The following ZFHX3 variants were observed in gnomAD, a reference collection of about 807,000 sequenced individuals.
The protein encoded by ZFHX3 is zinc finger homeobox protein 3.
ZFHX3 carries 42 observed loss-of-function variants against 279.1 expected under a neutral mutation model. The ratio of observed to expected loss-of-function variants is 0.15; its 90% CI spans 0.12 to 0.19. The LOEUF (loss-of-function observed/expected upper bound fraction) is 0.19, where lower values mean the gene tolerates loss of function less well. ZFHX3 is among the 10% of genes least tolerant of loss of function. The pLI, the probability that ZFHX3 is intolerant of heterozygous loss-of-function variation, is 1.00. For synonymous variants in ZFHX3, 2,293 were observed against 1,957.8 expected (o/e 1.17, Z -4.52); for missense variants, 4,981 against 4,754.0 (o/e 1.05, Z -1.40).
intron 1 of ZFHX3, among the ~76,000 whole-genome samples, chr16:73,844,778 C>T (rs1279080509): frequency 6.6e-6 from 1 of 151,202 alleles, no homozygotes; most frequent in Non-Finnish European, 1.5e-5. Context: ...ATAGACAATA[C>T]AGAGATTAGT....
intron 5 of ZFHX3, among the ~76,000 whole-genome samples, chr16:73,255,497 AAG>A (rs2013636813): frequency 6.6e-6 from 1 of 152,114 alleles, no homozygotes; most frequent in Non-Finnish European, 1.5e-5. Context: ...GATTTGGGAG[AAG>A]AGTTTTATAT....
intron 5 of ZFHX3, among the ~76,000 whole-genome samples, chr16:73,248,430 G>A (rs1026782266): frequency 2.0e-5 from 3 of 150,894 alleles, no homozygotes; most frequent in Non-Finnish European, 4.4e-5. Context: ...ATGTGTCTTT[G>A]TGTCTATGTG....
intron 5 of ZFHX3, among the ~76,000 whole-genome samples, chr16:73,255,027 CA>C (rs937444963): frequency 6.6e-6 from 1 of 152,122 alleles, no homozygotes; most frequent in African/African-American, 2.4e-5. Flanking sequence ...ATACGAACAT[CA>C]AAATGGTAGC....
At chr16:73,393,457 C>T (rs9930881) in intron 3 of ZFHX3, among the ~76,000 whole-genome samples, 101,583 of 152,060 alleles carry the variant, frequency 0.67, 34,114 homozygotes, top group Non-Finnish European at 0.69. Context: ...TCTAGACAGT[C>T]GTTCATATGC....
chr16:73,608,315 G>C (rs193045802), intron 2 of ZFHX3, among the ~76,000 whole-genome samples: 1 of 152,122 alleles, frequency 6.6e-6, no homozygotes, highest in Non-Finnish European at 1.5e-5. Flanking sequence ...TGCTCAGAGC[G>C]TCCCACCATG....
chr16:73,358,718 T>C (rs948129995), intron 3 of ZFHX3, among the ~76,000 whole-genome samples: 3 of 152,212 alleles, frequency 2.0e-5, no homozygotes, highest in African/African-American at 7.2e-5. Flanking sequence ...GCAACAGATA[T>C]GGACTGTAAA....
rs191981106 is a variant in ZFHX3 at position 72,846,658 on chromosome 16, A to G, written c.3449-16799T>C. On this transcript the variant is annotated intron_variant, in intron 4 of 9. Coordinates refer to ENST00000268489, the MANE Select transcript of ZFHX3 (RefSeq NM_006885.4). ...CAGAGAACTGTTTGTGTGGGGGACA[A>G]CCTGCACGGCTTTAGCTGGTGGCCC... is the stretch of plus-strand genomic sequence containing the variant. Among the ~76,000 whole-genome samples the G allele has an allele frequency of 4.2e-3, 644 of 152,350 alleles. 2 individuals carry two copies. Among genetic ancestry groups the G allele is most frequent in the Non-Finnish European group, 7.9e-3 (536 of 68,042 alleles).
At chr16:72,984,149 A>G (rs1298095508) in intron 1 of ZFHX3, among the ~76,000 whole-genome samples, 1 of 152,064 alleles carries the variant, frequency 6.6e-6, no homozygotes, top group Non-Finnish European at 1.5e-5. Flanking sequence ...TCCCCATCTG[A>G]TAGTTTCACT....
chr16:73,067,587 C>T (rs1319540754), intron 8 of ZFHX3, among the ~76,000 whole-genome samples: 1 of 152,220 alleles, frequency 6.6e-6, no homozygotes, highest in Admixed American at 6.5e-5. Flanking sequence ...TGGGTCCCAA[C>T]TAGTTCCTGC....
chr16:72,823,875 C>T (rs776102307), intron 5 of ZFHX3, among the ~76,000 whole-genome samples: 6 of 152,116 alleles, frequency 3.9e-5, no homozygotes, highest in African/African-American at 7.2e-5. Flanking sequence ...CTGACTCCTA[C>T]GAGTCCTGTA....
rs550935461 is a variant in ZFHX3 at position 73,009,849 on chromosome 16, C to T, written c.-50+37903G>A. ...AAGCCTGACCAAAATGGCAAAACCC[C>T]GTCTCTAGTAAAAATAAAAAAATTA... On this transcript the variant is annotated intron_variant, in intron 1 of 9. Coordinates refer to ENST00000268489, the MANE Select transcript of ZFHX3 (RefSeq NM_006885.4). Among the ~76,000 whole-genome samples, 7 of 152,018 alleles carry T rather than the reference C, an allele frequency of 4.6e-5. 1 individual carries two copies. The highest frequency in any genetic ancestry group is 2.6e-4 in the Admixed American group (4 of 15,256).
intron 3 of ZFHX3, among the ~76,000 whole-genome samples, chr16:73,382,815 G>T (rs1415100744): frequency 6.6e-6 from 1 of 152,144 alleles, no homozygotes; most frequent in Non-Finnish European, 1.5e-5. Flanking sequence ...AAACAAATGT[G>T]TGTCTCTGGT....
chr16:73,213,940 C>G (rs1053369818), intron 5 of ZFHX3, among the ~76,000 whole-genome samples: 2 of 152,186 alleles, frequency 1.3e-5, no homozygotes, highest in Non-Finnish European at 2.9e-5. Context: ...GCCATCTGCA[C>G]CCTTTATTAT....
chr16:73,879,677 G>A (rs998818165), intron 1 of ZFHX3, among the ~76,000 whole-genome samples: 6 of 152,126 alleles, frequency 3.9e-5, no homozygotes, highest in African/African-American at 1.4e-4. Context: ...CCTAAAAGCT[G>A]CTGCCAATAT....
At chr16:73,495,103 G>A (rs898253556) in intron 2 of ZFHX3, among the ~76,000 whole-genome samples, 9 of 152,198 alleles carry the variant, frequency 5.9e-5, no homozygotes, top group South Asian at 2.1e-4. Flanking sequence ...TGCAGAGTAC[G>A]TTGTTTCTAA....
At chr16:73,596,685 T>C (rs2052054164) in intron 2 of ZFHX3, among the ~76,000 whole-genome samples, 1 of 152,188 alleles carries the variant, frequency 6.6e-6, no homozygotes, top group South Asian at 2.1e-4. Flanking sequence ...TATGTTCCCA[T>C]AGCATCCATC....
chr16:73,484,104 G>C (rs1425285607), intron 2 of ZFHX3, among the ~76,000 whole-genome samples: 1 of 152,012 alleles, frequency 6.6e-6, no homozygotes, highest in Non-Finnish European at 1.5e-5. Context: ...CGAGCCCAGG[G>C]GCTGCAGGTA....
chr16:73,438,963 G>A (rs2018041077), intron 3 of ZFHX3, among the ~76,000 whole-genome samples: 1 of 152,188 alleles, frequency 6.6e-6, no homozygotes, highest in Non-Finnish European at 1.5e-5. Context: ...CCATTGCACT[G>A]AGAGTGCAAA....
Position 73,322,269 on chromosome 16 carries a change from A to G in ZFHX3, c.-1290-3933T>C, listed in dbSNP as rs2015589970. ...CACTGAAAAGAGAGAACGCATTTGA[A>G]TCTTCATGGCTTTTTTTTTTTTGCA... is the stretch of plus-strand genomic sequence containing the variant. On this transcript the variant is annotated intron_variant, in intron 3 of 17. Coordinates refer to the ZFHX3 transcript ENST00000641206. 3.0e-5 allele frequency among the ~76,000 whole-genome samples: 4 copies of G among 135,126 alleles called. No homozygotes were observed. The South Asian group carries it at 9.4e-4, about 32-fold the overall frequency. 88.6% of individuals were successfully genotyped at this position (135,126 alleles called of 152,430 possible). A position where few individuals can be genotyped will look rare whatever the true frequency, so the allele number is the denominator to read the frequency against.
Sources: allele counts gnomAD v4.1 joint callset (sites outside exome capture counted in the v4.1 genomes callset), GRCh38; gene constraint gnomAD v4.1.1; transcripts MANE v1.5; gene names NCBI Gene and HGNC (gene_info 2026-07-23, HGNC 2026-07-21).